SYT16: variants seen among roughly 807,000 people sequenced by gnomAD.
The protein encoded by SYT16 is synaptotagmin 16, also known as synaptotagmin-16.
In SYT16, 42 loss-of-function variants were observed where a neutral mutation model predicts 61.4. The ratio of observed to expected loss-of-function variants is 0.68; its 90% CI spans 0.53 to 0.89. The LOEUF (loss-of-function observed/expected upper bound fraction) is 0.89, where lower values mean the gene tolerates loss of function less well. Ranked by LOEUF, SYT16 falls within the 40% of genes least tolerant of loss-of-function variation. SYT16 has a pLI of 0.00. For synonymous variants in SYT16, 314 were observed against 302.3 expected, an observed-to-expected ratio of 1.04 and a Z score of -0.40; for missense variants, 804 against 807.3, an observed-to-expected ratio of 1.00 and a Z score of 0.05.
At chr14:61,815,712 C>G (rs562347616) in intron 1 of SYT16, among the ~76,000 whole-genome samples, 75 of 152,214 alleles carry the variant, frequency 4.9e-4, no homozygotes, top group South Asian at 1.4e-3. Flanking sequence ...ATCATGAAAT[C>G]GTGAGGAACT....
chr14:61,943,902 GAAAT>G (rs569030770), intron 1 of SYT16, among the ~76,000 whole-genome samples: 1 of 152,284 alleles, frequency 6.6e-6, no homozygotes, highest in South Asian at 2.1e-4. Flanking sequence ...GCAAGAGAAA[GAAAT>G]AAAGGGTATT....
intron 1 of SYT16, among the ~76,000 whole-genome samples, chr14:61,927,212 C>T (rs188009848): frequency 2.6e-4 from 40 of 152,292 alleles, no homozygotes; most frequent in Non-Finnish European, 5.4e-4. Context: ...ATGACTTCAT[C>T]TCAGCCTGAG....
At chr14:62,036,108 A>G (rs927799011) in intron 3 of SYT16, among the ~76,000 whole-genome samples, 1 of 152,160 alleles carries the variant, frequency 6.6e-6, no homozygotes, top group East Asian at 1.9e-4. Flanking sequence ...GGGTAAGCAC[A>G]GGGCGTAGGA....
chr14:62,082,723 T>C (rs1191990199), intron 6 of SYT16, among the ~76,000 whole-genome samples: 2 of 152,198 alleles, frequency 1.3e-5, no homozygotes, highest in Non-Finnish European at 2.9e-5. Flanking sequence ...TCAGAAGGGA[T>C]CCTGCGTGAT....
intron 1 of SYT16, among the ~76,000 whole-genome samples, chr14:61,820,712 C>A (rs1452572057): frequency 6.6e-6 from 1 of 152,024 alleles, no homozygotes; most frequent in Non-Finnish European, 1.5e-5. Context: ...GAACTCCTGA[C>A]CCCAAGTGAT....
chr14:61,870,703 C>G (rs902754992), intron 1 of SYT16, among the ~76,000 whole-genome samples: 8 of 152,076 alleles, frequency 5.3e-5, no homozygotes, highest in African/African-American at 2.4e-5. Context: ...CTTCATGTCC[C>G]TAAATCTTCT....
chr14:61,890,152 C>T (rs1314481982), intron 1 of SYT16, among the ~76,000 whole-genome samples: 1 of 152,108 alleles, frequency 6.6e-6, no homozygotes, highest in Non-Finnish European at 1.5e-5. Flanking sequence ...TTCAGATGTT[C>T]AAGACTGTGT....
intron 3 of SYT16, among the ~76,000 whole-genome samples, chr14:62,005,160 C>G (rs769624983): frequency 6.6e-6 from 1 of 152,158 alleles, no homozygotes; most frequent in Non-Finnish European, 1.5e-5. Context: ...GTGGCCTTGT[C>G]ATGGGTGAAG....
intron 7 of SYT16, among the ~76,000 whole-genome samples, chr14:62,096,047 T>G (rs530528561): frequency 1.3e-5 from 2 of 152,076 alleles, no homozygotes; most frequent in Admixed American, 6.5e-5. Flanking sequence ...TATACAAAAT[T>G]TAGATCCCTA....
chr14:61,936,222 G>T (rs1332627606), intron 1 of SYT16, among the ~76,000 whole-genome samples: 1 of 152,106 alleles, frequency 6.6e-6, no homozygotes, highest in Non-Finnish European at 1.5e-5. Context: ...GTCAGAGTGG[G>T]GTTATGCGCT....
At chr14:62,006,667 A>G (rs1566758090) in intron 3 of SYT16, among the ~76,000 whole-genome samples, 1 of 152,206 alleles carries the variant, frequency 6.6e-6, no homozygotes, top group Non-Finnish European at 1.5e-5. Context: ...TTATAGTGTC[A>G]TCCCAAGATA....
At chr14:61,853,324 T>C (rs1484509452) in intron 1 of SYT16, among the ~76,000 whole-genome samples, 1 of 152,228 alleles carries the variant, frequency 6.6e-6, no homozygotes, top group Non-Finnish European at 1.5e-5. Flanking sequence ...TGGGCATCTT[T>C]TCACTATTGC....
At chr14:61,910,814 C>T (rs1466096932) in intron 1 of SYT16, among the ~76,000 whole-genome samples, 2 of 152,228 alleles carry the variant, frequency 1.3e-5, no homozygotes, top group Non-Finnish European at 2.9e-5. Context: ...CAGGCGTGAG[C>T]CACCGTGCCC....
At chr14:61,872,209 A>G (rs2047352611) in intron 1 of SYT16, among the ~76,000 whole-genome samples, 1 of 151,940 alleles carries the variant, frequency 6.6e-6, no homozygotes, top group Non-Finnish European at 1.5e-5. Context: ...CTCTTCCCTT[A>G]TTTTTGTTTA....
chr14:61,814,490 C>T (rs2045366713), intron 1 of SYT16, among the ~76,000 whole-genome samples: 1 of 152,200 alleles, frequency 6.6e-6, no homozygotes, highest in Non-Finnish European at 1.5e-5. Flanking sequence ...TAAGATGATA[C>T]ATTTAGTACC....
At chr14:62,082,697 CAG>C (rs1237446759) in intron 6 of SYT16, among the ~76,000 whole-genome samples, 2 of 152,172 alleles carry the variant, frequency 1.3e-5, no homozygotes, top group Admixed American at 6.5e-5. Context: ...TGATGGAAAA[CAG>C]AATGCAGTGG....
intron 6 of SYT16, 126 bp from the exon 7 acceptor site, chr14:62,084,070 G>A (rs766627933): frequency 4.1e-5 from 45 of 1,106,496 alleles, no homozygotes; most frequent in Non-Finnish European, 5.2e-5. Flanking sequence ...CGCCGAGTGC[G>A]CCCTTAGTCA....
intron 1 of SYT16, among the ~76,000 whole-genome samples, chr14:61,873,213 A>G (rs1798875630): frequency 6.6e-6 from 1 of 152,232 alleles, no homozygotes; most frequent in Non-Finnish European, 1.5e-5. Context: ...TTGCTATTGC[A>G]AGCTTGGAGA....
At chr14:61,840,784 G>A (rs1176202356) in intron 1 of SYT16, among the ~76,000 whole-genome samples, 2 of 152,130 alleles carry the variant, frequency 1.3e-5, no homozygotes, top group Non-Finnish European at 2.9e-5. Context: ...AGATGAAGAG[G>A]TAGAGCTCAT....
Sources: allele counts gnomAD v4.1 joint callset (sites outside exome capture counted in the v4.1 genomes callset), GRCh38; gene constraint gnomAD v4.1.1; transcripts MANE v1.5; gene names NCBI Gene and HGNC (gene_info 2026-07-23, HGNC 2026-07-21).